CNTN2: variants seen among roughly 807,000 people sequenced by gnomAD.
CNTN2 encodes contactin 2, also known as contactin-2.
In CNTN2, 53 loss-of-function variants were observed where a neutral mutation model predicts 117.5. The ratio of observed to expected loss-of-function variants is 0.45; its 90% CI spans 0.36 to 0.57. The LOEUF (loss-of-function observed/expected upper bound fraction) is 0.57, where lower values mean the gene tolerates loss of function less well. Among genes scored for constraint, CNTN2 ranks in the 20% least tolerant of loss-of-function variants. The pLI, the probability that CNTN2 is intolerant of heterozygous loss-of-function variation, is 0.00. For synonymous variants in CNTN2, 530 were observed against 561.7 expected, an observed-to-expected ratio of 0.94 and a Z score of 0.80; for missense variants, 1,106 against 1,404.3, an observed-to-expected ratio of 0.79 and a Z score of 3.39.
Position 205,059,575 on chromosome 1 carries a change from C to G in CNTN2, c.698-8C>G. The G allele has an allele frequency of 1.2e-6, 2 of 1,613,796 alleles. No homozygotes were observed. Among genetic ancestry groups the G allele is most frequent in the South Asian group, 2.2e-5 (2 of 91,068 alleles). ...CTGCATCTGATTTGTAAAACCCTCT[C>G]TCCCCAGATACCCGGCTCTTTGCAC... On this transcript the variant is annotated splice_region_variant and splice_polypyrimidine_tract_variant and intron_variant, in intron 6 of 22. Transcript: ENST00000331830. The surrounding 1 kb of genome is among the most constrained non-coding windows in gnomAD (Gnocchi z 5.6).
Position 205,061,960 on chromosome 1 carries a change from A to G in CNTN2, c.1069A>G (p.Thr357Ala). 6.2e-7 allele frequency: 1 copy of G among 1,612,676 alleles called. No homozygotes were observed. Among genetic ancestry groups the G allele is most frequent in the Non-Finnish European group, 8.5e-7 (1 of 1,179,468 alleles). The stretch of plus-strand genomic sequence containing the variant: ...TGCAGCCGCCGGCAAGCCCCGGCCT[A>G]CAGTGCGCTGGCTGCGGAACGGGGA... ...GCAAAGKPRP[T>A]VRWLRNGEPL... is the part of the protein sequence containing the mutation. The change falls in exon 9 of 23, where the codon ACA becomes GCA. Residue 357 changes from threonine to alanine, a missense_variant. Coordinates refer to ENST00000331830, the MANE Select transcript of CNTN2 (RefSeq NM_005076.5). The surrounding 1 kb of genome is among the most constrained non-coding windows in gnomAD (Gnocchi z 4.8).
At position 205,059,317 on chromosome 1, in the gene CNTN2, G is replaced by A. The variant is rs1653843715; in HGVS notation, c.697+24G>A. On this transcript the variant is annotated intron_variant, in intron 6 of 22. Coordinates refer to ENST00000331830, the MANE Select transcript of CNTN2 (RefSeq NM_005076.5). The surrounding 1 kb of genome is among the most constrained non-coding windows in gnomAD (Gnocchi z 5.6). ...AGGTCAGGCTTGGCCAGGCGTGGCTGGAGGGAGGGAACTGGAAGGGTCAGC... is the reference window on the plus strand; with the variant it reads ...AGGTCAGGCTTGGCCAGGCGTGGCTAGAGGGAGGGAACTGGAAGGGTCAGC... The A allele has an allele frequency of 6.2e-7, 1 of 1,604,026 alleles. No homozygotes were observed. Among genetic ancestry groups the A allele is most frequent in the East Asian group, 2.2e-5 (1 of 44,654 alleles).
At position 205,073,176 on chromosome 1, in the gene CNTN2, C is replaced by T. The variant is rs767391270; in HGVS notation, c.2953C>T (p.Arg985Trp). The change falls in exon 22 of 23, where the codon CGG becomes TGG. Residue 985 changes from arginine to tryptophan, a missense_variant. Physicochemically the swap from Arg to Trp is moderately radical, Grantham distance 101. Coordinates refer to ENST00000331830, the MANE Select transcript of CNTN2 (RefSeq NM_005076.5). The surrounding 1 kb of genome is among the most constrained non-coding windows in gnomAD (Gnocchi z 6.3). ...EDIGHALVQI[R>W]TTGPGGDGIP... is the part of the protein sequence containing the mutation. Reference sequence around the variant, plus strand: ...CATTGGCCATGCCCTGGTACAAATTCGGACCACAGGGCCCGGAGGGGATGG... The same window carrying T: ...CATTGGCCATGCCCTGGTACAAATTTGGACCACAGGGCCCGGAGGGGATGG... 3.1e-6 allele frequency: 5 copies of T among 1,613,996 alleles called. No homozygotes were observed. Among genetic ancestry groups the T allele is most frequent in the East Asian group, 2.2e-5 (1 of 44,898 alleles).
intron 2 of CNTN2, among the ~76,000 whole-genome samples, chr1:205,053,546 C>G (rs998546864): frequency 2.0e-5 from 3 of 152,208 alleles, no homozygotes; most frequent in African/African-American, 7.2e-5. Flanking sequence ...GCCAGATCTC[C>G]ACAATATCAC....
intron 10 of CNTN2, chr1:205,063,230 G>A (rs376709504): frequency 2.6e-5 from 4 of 152,206 alleles, no homozygotes; most frequent in Non-Finnish European, 5.9e-5. Context: ...TAAAAGATAC[G>A]GTCTCTGCCT....
intron 16 of CNTN2, chr1:205,067,943 AAAAAAAAAAAAAG>A (rs1654388158): frequency 6.4e-6 from 1 of 155,256 alleles, no homozygotes; most frequent in Non-Finnish European, 1.4e-5. Flanking sequence ...AAAAAAAAAA[AAAAAAAAAAAAAG>A]AAAGAAAAAA....
At chr1:205,051,066 G>A (rs1473844985) in intron 1 of CNTN2, among the ~76,000 whole-genome samples, 2 of 152,242 alleles carry the variant, frequency 1.3e-5, no homozygotes, top group Admixed American at 6.5e-5. Context: ...ATCTGCATGA[G>A]CCCCATCATG....
chr1:205,065,309 A>G lies in CNTN2; in HGVS notation c.1695+47A>G, dbSNP rs754697981. 1.2e-6 allele frequency: 2 copies of G among 1,602,462 alleles called. No homozygotes were observed. The highest frequency in any genetic ancestry group is 1.7e-6 in the Non-Finnish European group (2 of 1,173,090). On this transcript the variant is annotated intron_variant, in intron 13 of 22. Transcript: ENST00000331830. This position sits in a 1 kb window ranked among gnomAD's most constrained non-coding sequence, Gnocchi z 4.1. Reference sequence around the variant, plus strand: ...CCATGGCTTCTCCCTCCTTCTAGAGAGACAGGGGCCCCAAGATGTCCTTAG... The same window carrying G: ...CCATGGCTTCTCCCTCCTTCTAGAGGGACAGGGGCCCCAAGATGTCCTTAG...
chr1:205,073,103 G>A lies in CNTN2; in HGVS notation c.2880G>A (p.Thr960=), dbSNP rs1201954383. The change falls in exon 22 of 23, where the codon ACG becomes ACA. Residue 960 remains threonine (T), a synonymous_variant. Coordinates refer to ENST00000331830, the MANE Select transcript of CNTN2 (RefSeq NM_005076.5). This position sits in a 1 kb window ranked among gnomAD's most constrained non-coding sequence, Gnocchi z 6.3. ...LYQNDLHLTP[T]LHLTGKNWIE... is the part of the protein sequence containing the mutation. ...AGAATGACTTACACCTGACTCCCACGCTCCACCTCACCGGCAAGAACTGGA... is the reference window on the plus strand; with the variant it reads ...AGAATGACTTACACCTGACTCCCACACTCCACCTCACCGGCAAGAACTGGA... 17 of 1,613,940 alleles carry A rather than the reference G, an allele frequency of 1.1e-5. No individual in the cohort carries two copies. The highest frequency in any genetic ancestry group is 6.7e-5 in the Admixed American group (4 of 59,996).
At chr1:205,043,509 C>G (rs997851816) in intron 1 of CNTN2, 115 bp downstream of exon 1, 1 of 152,398 alleles carries the variant, frequency 6.6e-6, no homozygotes, top group Admixed American at 6.5e-5. Flanking sequence ...TGGGAGGGAA[C>G]AGGGACAGGA....
At chr1:205,057,716 A>C in intron 2 of CNTN2, 1 of 501,338 alleles carries the variant, frequency 2.0e-6, no homozygotes, top group Non-Finnish European at 3.5e-6. Context: ...TAAGTAATAT[A>C]AAATGTAAAA....
In CNTN2 at chr1:205,061,518, T is replaced by C; in HGVS notation, c.973+98T>C. The C allele has an allele frequency of 7.3e-7, 1 of 1,369,686 alleles. No individual in the cohort carries two copies. The allele number at this position is 1,369,686 out of a possible 1,614,324, so 84.8% of individuals were successfully genotyped here. On this transcript the variant is annotated intron_variant, in intron 8 of 22. Coordinates refer to ENST00000331830, the MANE Select transcript of CNTN2 (RefSeq NM_005076.5). The surrounding 1 kb of genome is among the most constrained non-coding windows in gnomAD (Gnocchi z 4.8). ...CAGACCCAAAAGTCAGGGAGGAGAC[T>C]GGGAGGCCCCCTGCATGAGCCTGCT... is the stretch of plus-strand genomic sequence containing the variant.
chr1:205,067,175 C>T lies in CNTN2; in HGVS notation c.2050C>T (p.Arg684Trp), dbSNP rs756558390. The T allele has an allele frequency of 7.4e-6, 12 of 1,614,000 alleles. No homozygotes were observed. The highest frequency in any genetic ancestry group is 1.7e-5 in the Admixed American group (1 of 59,986). ...CACCCCCTGGATGGACTATGAGTTC[C>T]GGGTCATAGCCAGCAACATTCTGGG... is the stretch of plus-strand genomic sequence containing the variant. Reference protein sequence around the residue: ...GLTPWMDYEFRVIASNILGTG... With the variant: ...GLTPWMDYEFWVIASNILGTG... Residue 684 changes from arginine (R) to tryptophan (W), a missense_variant, in exon 16 of 23, where the codon CGG (arginine) becomes TGG (tryptophan). Physicochemically the swap from Arg to Trp is moderately radical, Grantham distance 101. Transcript: ENST00000331830.
In CNTN2 at chr1:205,061,075, C is replaced by A. The variant is rs1193136226; in HGVS notation, c.798-170C>A. On this transcript the variant is annotated intron_variant, in intron 7 of 22. Coordinates refer to ENST00000331830, the MANE Select transcript of CNTN2 (RefSeq NM_005076.5). The surrounding 1 kb of genome is among the most constrained non-coding windows in gnomAD (Gnocchi z 4.8). Reference sequence around the variant, plus strand: ...GCCCCTTCCCTGCGTGTGCTCCGAGCCTACCTGGGAGAGGAGAGTGAGGAT... The same window carrying A: ...GCCCCTTCCCTGCGTGTGCTCCGAGACTACCTGGGAGAGGAGAGTGAGGAT... 1.9e-5 allele frequency: 13 copies of A among 697,908 alleles called. No homozygotes were observed. The highest frequency in any genetic ancestry group is 1.5e-4 in the African/African-American group (8 of 54,900). 43.2% of individuals were successfully genotyped at this position (697,908 alleles called of 1,614,324 possible).
chr1:205,055,431 G>A (rs1237119988), intron 2 of CNTN2, among the ~76,000 whole-genome samples: 1 of 152,178 alleles, frequency 6.6e-6, no homozygotes, highest in Non-Finnish European at 1.5e-5. Context: ...GAGGCTGGAG[G>A]TATGAGTGAG....
Position 205,058,980 on chromosome 1 carries a change from G to C in CNTN2, c.488-104G>C, listed in dbSNP as rs953044222. 9.8e-7 allele frequency: 1 copy of C among 1,015,822 alleles called. No homozygotes were observed. Among genetic ancestry groups the C allele is most frequent in the Non-Finnish European group, 1.5e-6 (1 of 667,748 alleles). The allele number at this position is 1,015,822 out of a possible 1,614,324, so 62.9% of individuals were successfully genotyped here. ...AGCCCCAGTTCAGAGCATGGTGGCT[G>C]TCAGGACAGGGCTTGCAGAACCGCA... On this transcript the variant is annotated intron_variant, in intron 5 of 22. Coordinates refer to ENST00000331830, the MANE Select transcript of CNTN2 (RefSeq NM_005076.5). The surrounding 1 kb of genome is among the most constrained non-coding windows in gnomAD (Gnocchi z 4.3).
rs1046384169 is a variant in CNTN2 at position 205,074,799 on chromosome 1, G to A, written c.*1034G>A. 10 of 398,552 alleles carry A rather than the reference G, an allele frequency of 2.5e-5. No individual in the cohort carries two copies. The highest frequency in any genetic ancestry group is 1.3e-4 in the Admixed American group (3 of 22,720). 24.7% of individuals were successfully genotyped at this position (398,552 alleles called of 1,614,324 possible). On this transcript the variant is annotated 3_prime_UTR_variant, in exon 23 of 23. Transcript: ENST00000331830. ...ATGCAGCATTCATGCTGTGTGTCCT[G>A]GTATTGGGAGGTTTCTGGGAAGGGC...
At chr1:205,064,894 GC>G (rs1421863119) in intron 12 of CNTN2, 144 bp downstream of exon 12, 9 of 1,328,876 alleles carry the variant, frequency 6.8e-6, no homozygotes, top group Non-Finnish European at 9.3e-6. Context: ...CCACCCCCTG[GC>G]CACCACTGAG....
In CNTN2 at chr1:205,070,070, C is replaced by A. The variant is rs765207391; in HGVS notation, c.2431+9C>A. 2.5e-6 allele frequency: 4 copies of A among 1,611,390 alleles called. No homozygotes were observed. The highest frequency in any genetic ancestry group is 1.1e-5 in the South Asian group (1 of 91,004). ...GTACTCAGCTGAGGAAGGTGGGCTG[C>A]CCCTGGGCCCCCTGCTCGTCCCTAC... is the stretch of plus-strand genomic sequence containing the variant. On this transcript the variant is annotated intron_variant, in intron 18 of 22. Coordinates refer to ENST00000331830, the MANE Select transcript of CNTN2 (RefSeq NM_005076.5).
Sources: allele counts gnomAD v4.1 joint callset (sites outside exome capture counted in the v4.1 genomes callset), GRCh38; gene constraint gnomAD v4.1.1; non-coding constraint Gnocchi (gnomAD v3.1); transcripts MANE v1.5; gene names NCBI Gene and HGNC (gene_info 2026-07-23, HGNC 2026-07-21).